The following UBE3A variants were observed in gnomAD, a reference collection of about 807,000 sequenced individuals.
UBE3A encodes the protein ubiquitin protein ligase E3A.
Under a neutral mutation model 83.4 loss-of-function variants are expected in UBE3A, and 6 were observed. The ratio of observed to expected loss-of-function variants is 0.07; its 90% CI spans 0.04 to 0.14. The LOEUF (loss-of-function observed/expected upper bound fraction) is 0.14. UBE3A is among the 10% of genes least tolerant of loss of function. The pLI is 1.00. For missense variants in UBE3A, 456 were observed against 1,036.1 expected (o/e 0.44, Z 7.69); for synonymous variants, 337 against 355.4 (o/e 0.95, Z 0.58).
At chr15:25,375,418 A>G (rs1407694909) in intron 5 of UBE3A, 47 bp downstream of exon 5, 1 of 1,598,140 alleles carries the variant, frequency 6.3e-7, no homozygotes, top group Admixed American at 1.7e-5. Context: ...TAAATCTCCC[A>G]CATGGTTTTC....
chr15:25,437,860 A>AGGG (rs1895595626), intron 1 of UBE3A, among the ~76,000 whole-genome samples: 1 of 148,698 alleles, frequency 6.7e-6, no homozygotes, highest in Non-Finnish European at 1.5e-5. Flanking sequence ...AGGGGGGGGA[A>AGGG]AAAAGGCCAA....
At chr15:25,380,722 T>C (rs1006751681) in intron 4 of UBE3A, among the ~76,000 whole-genome samples, 2 of 152,240 alleles carry the variant, frequency 1.3e-5, no homozygotes, top group African/African-American at 4.8e-5. Flanking sequence ...TTACTTGCTA[T>C]AATTTCTTCA....
chr15:25,373,666 A>G (rs1035227636), intron 5 of UBE3A: 4 of 152,062 alleles, frequency 2.6e-5, no homozygotes, highest in African/African-American at 9.7e-5. Flanking sequence ...TTTAGTAGAG[A>G]GGGGGTTTCA....
At chr15:25,369,946 T>C (rs1271917341) in intron 6 of UBE3A, among the ~76,000 whole-genome samples, 1 of 152,158 alleles carries the variant, frequency 6.6e-6, no homozygotes, top group African/African-American at 2.4e-5. Context: ...GAATAGCTGC[T>C]GTTTTCCAGA....
intron 1 of UBE3A, among the ~76,000 whole-genome samples, chr15:25,421,698 G>C (rs944808857): frequency 1.3e-5 from 2 of 152,088 alleles, no homozygotes; most frequent in African/African-American, 4.8e-5. Flanking sequence ...CTTAAAAATA[G>C]TTAAAATGGT....
In UBE3A at chr15:25,336,754, G is replaced by A. The variant is rs1191367949; in HGVS notation, c.*2383C>T. On this transcript the variant is annotated 3_prime_UTR_variant, in exon 13 of 13. Transcript: ENST00000648336. Reference sequence around the variant, plus strand: ...AGGTTAAAAAAGTTTACATTTATTTGGAAAACCAGTTACTTTAGTTTATGG... The same window carrying A: ...AGGTTAAAAAAGTTTACATTTATTTAGAAAACCAGTTACTTTAGTTTATGG... The A allele has an allele frequency of 6.6e-6, 1 of 152,080 alleles. No homozygotes were observed. 9.4% of individuals were successfully genotyped at this position (152,080 alleles called of 1,614,324 possible).
rs1308445683 is a variant in UBE3A, at chr15:25,333,886, A to AC, written c.*5250dup. On this transcript the variant is annotated 3_prime_UTR_variant, in exon 13 of 13. Coordinates refer to ENST00000648336, the MANE Select transcript of UBE3A (RefSeq NM_130839.5). ...ACAGAAGAAGCATTTAACAAAACCC[A>AC]CAGCCCCTCCTTTTTTTTTTTTTGA... The AC allele has an allele frequency of 7.2e-6, 1 of 138,400 alleles. No individual in the cohort carries two copies. The highest frequency in any genetic ancestry group is 1.5e-5 in the Non-Finnish European group (1 of 66,420). The allele number at this position is 138,400 out of a possible 1,614,324, so 8.6% of individuals were successfully genotyped here.
Position 25,337,558 on chromosome 15 carries a change from A to AAATT in UBE3A, c.*1575_*1578dup, listed in dbSNP as rs577319182. 6.6e-6 allele frequency: 1 copy of AAATT among 152,262 alleles called. No homozygotes were observed. Among genetic ancestry groups the AAATT allele is most frequent in the Admixed American group, 6.5e-5 (1 of 15,292 alleles). 9.4% of individuals were successfully genotyped at this position (152,262 alleles called of 1,614,324 possible). A position where few individuals can be genotyped will look rare whatever the true frequency, so the allele number is the denominator to read the frequency against. Reference sequence around the variant, plus strand: ...AACAGTTCTGTCTCAATTATGAAAAAAATTAATTAAAATAATCCTGAAAGA... The same window carrying AAATT: ...AACAGTTCTGTCTCAATTATGAAAAAAATTAATTAATTAAAATAATCCTGAAAGA... On this transcript the variant is annotated 3_prime_UTR_variant, in exon 13 of 13. Coordinates refer to ENST00000648336, the MANE Select transcript of UBE3A (RefSeq NM_130839.5).
intron 4 of UBE3A, among the ~76,000 whole-genome samples, chr15:25,392,855 T>C (rs1295142321): frequency 2.0e-5 from 3 of 152,192 alleles, no homozygotes; most frequent in African/African-American, 4.8e-5. Context: ...AGCCAGATCA[T>C]GGAAGACCTC....
At chr15:25,411,615 GCAA>G (rs958648152) in intron 2 of UBE3A, among the ~76,000 whole-genome samples, 18 of 151,800 alleles carry the variant, frequency 1.2e-4, no homozygotes, top group Middle Eastern at 6.8e-3. Flanking sequence ...AGCAGCAGCA[GCAA>G]CAACAACAAC....
In UBE3A at chr15:25,356,569, T is replaced by C. The variant is rs2077240742; in HGVS notation, c.1959+122A>G. 3 of 971,222 alleles carry C rather than the reference T, an allele frequency of 3.1e-6. 1 individual carries two copies. Among genetic ancestry groups the C allele is most frequent in the South Asian group, 3.1e-5 (2 of 64,952 alleles). 60.2% of individuals were successfully genotyped at this position (971,222 alleles called of 1,614,324 possible). On this transcript the variant is annotated intron_variant, in intron 8 of 12. Transcript: ENST00000648336. ...CTTCGGTCAGATTAAAACATTTTTA[T>C]CTTATTGATAAGAGTATCAACAAAG...
intron 1 of UBE3A, among the ~76,000 whole-genome samples, chr15:25,422,238 T>C (rs553300296): frequency 2.6e-5 from 4 of 152,104 alleles, no homozygotes; most frequent in Admixed American, 2.0e-4. Context: ...GGAAAACTAA[T>C]AAACAGATCA....
intron 12 of UBE3A, chr15:25,339,839 T>C (rs2074430508): frequency 3.8e-6 from 2 of 520,170 alleles, no homozygotes; most frequent in Non-Finnish European, 6.9e-6. Context: ...ATCAAAAAAG[T>C]AAATGAATCA....
At position 25,438,575 on chromosome 15, in the gene UBE3A, G is replaced by C. The variant is rs1895890844; in HGVS notation, c.-251C>G. 6.5e-6 allele frequency: 1 copy of C among 153,540 alleles called. No homozygotes were observed. Among genetic ancestry groups the C allele is most frequent in the South Asian group, 1.8e-4 (1 of 5,548 alleles). The allele number at this position is 153,540 out of a possible 1,614,324, so 9.5% of individuals were successfully genotyped here. A position where few individuals can be genotyped will look rare whatever the true frequency, so the allele number is the denominator to read the frequency against. On this transcript the variant is annotated 5_prime_UTR_variant, in exon 1 of 13. Coordinates refer to ENST00000648336, the MANE Select transcript of UBE3A (RefSeq NM_130839.5). ...CGCCGCCTCCGCCCGCCACCGCCTC[G>C]TTCTCTTTCGCTGCCGCCACCGCCG...
At chr15:25,423,799 T>C (rs1596443293) in intron 1 of UBE3A, among the ~76,000 whole-genome samples, 1 of 152,338 alleles carries the variant, frequency 6.6e-6, no homozygotes. Flanking sequence ...CTCCATTCTC[T>C]CAGCTGCTCT....
intron 11 of UBE3A, chr15:25,346,663 C>T (rs2075736526): frequency 6.6e-6 from 1 of 151,846 alleles, no homozygotes; most frequent in Admixed American, 6.6e-5. Context: ...AATAGAAAAT[C>T]TCAGCAAGGA....
In UBE3A at chr15:25,339,083, A is replaced by AT. The variant is rs1249652560; in HGVS notation, c.*53dup. The AT allele has an allele frequency of 4.3e-5, 64 of 1,476,370 alleles. No individual in the cohort carries two copies. Among genetic ancestry groups the AT allele is most frequent in the East Asian group, 2.8e-4 (11 of 39,898 alleles). The allele number at this position is 1,476,370 out of a possible 1,614,324, so 91.5% of individuals were successfully genotyped here. A position where few individuals can be genotyped will look rare whatever the true frequency, so the allele number is the denominator to read the frequency against. On this transcript the variant is annotated 3_prime_UTR_variant, in exon 13 of 13. Transcript: ENST00000648336. ...TCGTTATATTTTTAAAATTTTTTAA[A>AT]TTTTTTCTTTTTTTTTCCTTCCTTT...
At chr15:25,406,396 C>T (rs6420957) in intron 3 of UBE3A, among the ~76,000 whole-genome samples, 145,512 of 152,250 alleles carry the variant, frequency 0.96, 69,875 homozygotes, top group East Asian at 1. Flanking sequence ...ACTGCTCTCT[C>T]ATGTAGAAAT....
At chr15:25,429,050 A>C (rs1171232323) in intron 1 of UBE3A, among the ~76,000 whole-genome samples, 1 of 152,234 alleles carries the variant, frequency 6.6e-6, no homozygotes, top group Non-Finnish European at 1.5e-5. Flanking sequence ...ATGTACACGC[A>C]TCAACATATA....
Sources: gnomAD v4.1 joint callset for allele counts (sites outside exome capture counted in the v4.1 genomes callset) on GRCh38, gnomAD v4.1.1 for gene constraint, MANE v1.5 for transcripts, NCBI Gene and HGNC (gene_info 2026-07-23, HGNC 2026-07-21) for gene names.